Variants in UNC13C observed in about 807,000 individuals in gnomAD.
UNC13C encodes protein unc-13 homolog C.
UNC13C carries 174 observed loss-of-function variants against 245.4 expected under a neutral mutation model. The ratio of observed to expected loss-of-function variants is 0.71; its 90% CI spans 0.63 to 0.80. The LOEUF is 0.80. Among genes scored for constraint, UNC13C ranks in the 30% least tolerant of loss-of-function variants. The probability of loss-of-function intolerance (pLI) is 0.00; values close to 1 mark genes in which losing one functional copy is unlikely to be tolerated. For synonymous variants in UNC13C, 992 were observed against 895.1 expected, an observed-to-expected ratio of 1.11 and a Z score of -1.93; for missense variants, 2,829 against 2,602.9, an observed-to-expected ratio of 1.09 and a Z score of -1.89.
At chr15:54,040,942 C>G (rs1896783804) in intron 2 of UNC13C, among the ~76,000 whole-genome samples, 1 of 152,148 alleles carries the variant, frequency 6.6e-6, no homozygotes, top group Non-Finnish European at 1.5e-5. Context: ...ATGCACCAAC[C>G]CAGCATACCC....
chr15:54,073,119 A>G (rs1232815636), intron 2 of UNC13C, among the ~76,000 whole-genome samples: 1 of 151,950 alleles, frequency 6.6e-6, no homozygotes, highest in African/African-American at 2.4e-5. Flanking sequence ...CTTATAAGTG[A>G]GAACATGTGG....
chr15:53,922,242 G>T, the UNC13C span, among the ~76,000 whole-genome samples: 1 of 152,164 alleles, frequency 6.6e-6, no homozygotes, highest in East Asian at 1.9e-4. Context: ...CTGCAACACA[G>T]TCTCCTCATT....
At chr15:54,436,179 C>G (rs1291358119) in intron 19 of UNC13C, among the ~76,000 whole-genome samples, 2 of 151,782 alleles carry the variant, frequency 1.3e-5, no homozygotes, top group African/African-American at 4.8e-5. Flanking sequence ...AGTGTGGCTA[C>G]TCCTCAAGGA....
intron 2 of UNC13C, among the ~76,000 whole-genome samples, chr15:54,088,955 C>T (rs557160276): frequency 1.3e-5 from 2 of 152,036 alleles, no homozygotes; most frequent in African/African-American, 4.8e-5. Flanking sequence ...GATAACTTGG[C>T]GGGGGGGAAC....
chr15:54,533,122 G>A, intron 26 of UNC13C, 56 bp downstream of exon 26: 1 of 1,403,238 alleles, frequency 7.1e-7, no homozygotes, highest in Non-Finnish European at 9.7e-7. Flanking sequence ...TGACCTTTAA[G>A]GCTTTAAGAA....
the UNC13C span, among the ~76,000 whole-genome samples, chr15:53,954,873 C>T: frequency 2.0e-5 from 3 of 152,156 alleles, no homozygotes. Context: ...TGCTTCTAGC[C>T]TTACACAGAG....
chr15:54,051,109 A>G (rs1897251447), intron 2 of UNC13C, among the ~76,000 whole-genome samples: 1 of 152,174 alleles, frequency 6.6e-6, no homozygotes, highest in South Asian at 2.1e-4. Flanking sequence ...TTTGCCTTAT[A>G]GAAAATTCAT....
At chr15:54,170,570 T>G (rs761118511) in intron 4 of UNC13C, among the ~76,000 whole-genome samples, 24 of 152,198 alleles carry the variant, frequency 1.6e-4, no homozygotes, top group Non-Finnish European at 2.5e-4. Flanking sequence ...TTTCCTTTTT[T>G]TTCCTTAAAA....
intron 1 of UNC13C, among the ~76,000 whole-genome samples, chr15:54,005,434 C>G (rs899584823): frequency 6.6e-6 from 1 of 152,132 alleles, no homozygotes; most frequent in African/African-American, 2.4e-5. Context: ...GGACTAGATA[C>G]TCAGGCTCTC....
At chr15:54,146,351 C>T (rs1048712471) in intron 4 of UNC13C, among the ~76,000 whole-genome samples, 6 of 152,148 alleles carry the variant, frequency 3.9e-5, no homozygotes, top group Non-Finnish European at 8.8e-5. Flanking sequence ...ATTCATCCTT[C>T]CCTTAGTTTA....
chr15:53,855,818 A>G, the UNC13C span, among the ~76,000 whole-genome samples: 5 of 152,312 alleles, frequency 3.3e-5, no homozygotes, highest in Admixed American at 3.3e-4. Context: ...AATGAGTTAG[A>G]GAGGAGTCCC....
intron 2 of UNC13C, among the ~76,000 whole-genome samples, chr15:54,129,035 C>A (rs1216645364): frequency 6.6e-6 from 1 of 152,182 alleles, no homozygotes; most frequent in East Asian, 1.9e-4. Context: ...GAAGTTCAGG[C>A]TTTGAGTCCC....
chr15:54,286,052 T>C (rs2037140362), intron 10 of UNC13C, among the ~76,000 whole-genome samples: 1 of 152,074 alleles, frequency 6.6e-6, no homozygotes, highest in Admixed American at 6.5e-5. Context: ...TAATTTGTTT[T>C]GTATTCTAAG....
intron 19 of UNC13C, among the ~76,000 whole-genome samples, chr15:54,427,656 T>TTATAA (rs1290365135): frequency 6.6e-6 from 1 of 151,844 alleles, no homozygotes; most frequent in African/African-American, 2.4e-5. Flanking sequence ...TATAAAACAT[T>TTATAA]TATAACTTTA....
At chr15:54,316,288 T>C (rs2038007132) in intron 13 of UNC13C, among the ~76,000 whole-genome samples, 1 of 151,896 alleles carries the variant, frequency 6.6e-6, no homozygotes, top group Non-Finnish European at 1.5e-5. Flanking sequence ...TCTGTTAACC[T>C]AATATTGCTG....
intron 2 of UNC13C, among the ~76,000 whole-genome samples, chr15:54,018,492 C>T (rs1162277000): frequency 6.6e-6 from 1 of 152,192 alleles, no homozygotes; most frequent in African/African-American, 2.4e-5. Context: ...GATAATGTTT[C>T]AGAGAACTTT....
chr15:54,011,342 A>G (rs1329098996), intron 1 of UNC13C, among the ~76,000 whole-genome samples: 1 of 152,226 alleles, frequency 6.6e-6, no homozygotes, highest in African/African-American at 2.4e-5. Context: ...GGAAATTTAG[A>G]TTTGAAAACA....
At chr15:54,448,697 C>G (rs1890975770) in intron 19 of UNC13C, among the ~76,000 whole-genome samples, 1 of 152,166 alleles carries the variant, frequency 6.6e-6, no homozygotes, top group Non-Finnish European at 1.5e-5. Flanking sequence ...TTCCTGAATA[C>G]AGCACACTGA....
chr15:54,607,233 A>C (rs1387835381), intron 30 of UNC13C, among the ~76,000 whole-genome samples: 1 of 152,224 alleles, frequency 6.6e-6, no homozygotes, highest in Non-Finnish European at 1.5e-5. Context: ...AATTTTAAGA[A>C]TGCGAGAGAA....
Sources: gnomAD v4.1 joint callset for allele counts (sites outside exome capture counted in the v4.1 genomes callset) on GRCh38, gnomAD v4.1.1 for gene constraint, MANE v1.5 for transcripts, NCBI Gene and HGNC (gene_info 2026-07-23, HGNC 2026-07-21) for gene names.